OLA1: variants seen among roughly 807,000 people sequenced by gnomAD.
The protein encoded by OLA1 is Obg like ATPase 1.
A neutral mutation model predicts 48.4 loss-of-function variants in OLA1; 14 were observed. That is an observed-to-expected ratio of 0.29 (90% confidence interval 0.19 to 0.45). OLA1 has a LOEUF of 0.45. Among genes scored for constraint, OLA1 ranks in the 20% least tolerant of loss-of-function variants. The probability of loss-of-function intolerance (pLI) is 1.00; values close to 1 mark genes in which losing one functional copy is unlikely to be tolerated. For synonymous variants in OLA1, 127 were observed against 150.4 expected (o/e 0.84, Z 1.14); for missense variants, 325 against 467.1 (o/e 0.70, Z 2.80).
chr2:174,225,273 G>A (rs768463599), intron 3 of OLA1, among the ~76,000 whole-genome samples: 6 of 152,092 alleles, frequency 3.9e-5, no homozygotes, highest in African/African-American at 1.2e-4. Flanking sequence ...TGCCTCGTCC[G>A]GGTGCAGTGG....
At chr2:174,237,981 A>G (rs893182705) in intron 2 of OLA1, among the ~76,000 whole-genome samples, 1 of 152,106 alleles carries the variant, frequency 6.6e-6, no homozygotes, top group East Asian at 1.9e-4. Context: ...CCTCCATTAT[A>G]ATCTCATGGG....
intron 7 of OLA1, among the ~76,000 whole-genome samples, chr2:174,102,342 G>T (rs1017416702): frequency 4.0e-5 from 6 of 151,826 alleles, no homozygotes; most frequent in Non-Finnish European, 1.5e-5. Context: ...AGTGAAAAAA[G>T]TTAACAATTC....
chr2:174,212,661 TTATC>T (rs1310275020), intron 4 of OLA1, among the ~76,000 whole-genome samples: 1 of 152,188 alleles, frequency 6.6e-6, no homozygotes, highest in African/African-American at 2.4e-5. Flanking sequence ...TTTCTTTATA[TTATC>T]TATAAGCTTT....
At chr2:174,220,117 G>A (rs1034767504) in intron 4 of OLA1, among the ~76,000 whole-genome samples, 1 of 152,134 alleles carries the variant, frequency 6.6e-6, no homozygotes, top group Admixed American at 6.5e-5. Context: ...GGGAGACAGA[G>A]CAAGACTCCA....
chr2:174,179,312 T>C (rs1223688460), intron 4 of OLA1, among the ~76,000 whole-genome samples: 1 of 151,832 alleles, frequency 6.6e-6, no homozygotes, highest in African/African-American at 2.4e-5. Flanking sequence ...TTTAAATAAA[T>C]AGAAACGTCT....
intron 4 of OLA1, among the ~76,000 whole-genome samples, chr2:174,165,227 G>T (rs1299786152): frequency 6.6e-6 from 1 of 152,092 alleles, no homozygotes; most frequent in African/African-American, 2.4e-5. Context: ...ATAAAACATT[G>T]TAATAATGAG....
chr2:174,223,033 G>A lies in OLA1; in HGVS notation c.373C>T (p.Arg125Cys), dbSNP rs1265844691. Residue 125 changes from arginine to cysteine, a missense_variant and splice_region_variant, in exon 4 of 11, where the codon CGT (arginine) becomes TGT (cysteine). By Grantham distance (180) the Arg-to-Cys change is radical. Transcript: ENST00000284719. ...TGATTAAATAAACAACTGTACTTAC[G>A]TGTTAGATGAAAGATGCCATCACAG... ...SACDGIFHLTRAFEDDDITHV... is the reference protein window; with the variant it reads ...SACDGIFHLTCAFEDDDITHV... 7 of 1,611,000 alleles carry A rather than the reference G, an allele frequency of 4.3e-6. No individual in the cohort carries two copies. Among genetic ancestry groups the A allele is most frequent in the East Asian group, 2.2e-5 (1 of 44,840 alleles).
intron 4 of OLA1, among the ~76,000 whole-genome samples, chr2:174,144,427 T>A (rs970556862): frequency 3.3e-5 from 5 of 152,086 alleles, no homozygotes; most frequent in Non-Finnish European, 7.4e-5. Context: ...ATGGGAACAC[T>A]AAGGCTATCC....
chr2:174,088,877 AAAATAAATAAAT>A (rs5836449), intron 7 of OLA1, among the ~76,000 whole-genome samples: 60 of 148,138 alleles, frequency 4.1e-4, no homozygotes, highest in Non-Finnish European at 7.0e-4. Flanking sequence ...TCCTGTCTCA[AAAATAAATAAAT>A]AAATAAATAA....
chr2:174,137,853 C>G (rs1686349943), intron 5 of OLA1, among the ~76,000 whole-genome samples: 1 of 152,158 alleles, frequency 6.6e-6, no homozygotes, highest in African/African-American at 2.4e-5. Context: ...GATCTTCTAT[C>G]AAGAACGCTA....
chr2:174,201,107 T>A (rs1278065368), intron 4 of OLA1, among the ~76,000 whole-genome samples: 1 of 152,178 alleles, frequency 6.6e-6, no homozygotes, highest in Non-Finnish European at 1.5e-5. Context: ...CAAAGTATCA[T>A]CACGAGTATT....
At chr2:174,175,561 T>C (rs1687401793) in intron 4 of OLA1, among the ~76,000 whole-genome samples, 1 of 152,038 alleles carries the variant, frequency 6.6e-6, no homozygotes, top group East Asian at 1.9e-4. Flanking sequence ...TAGAAACAAT[T>C]GACAATATCA....
intron 2 of OLA1, among the ~76,000 whole-genome samples, chr2:174,242,313 G>C (rs2105466813): frequency 6.6e-6 from 1 of 152,330 alleles, no homozygotes; most frequent in Admixed American, 6.5e-5. Context: ...GTGCAACCTA[G>C]ATCTCTTGCA....
chr2:174,243,309 G>A (rs1224195591), intron 2 of OLA1, among the ~76,000 whole-genome samples: 2 of 152,194 alleles, frequency 1.3e-5, no homozygotes, highest in African/African-American at 4.8e-5. Context: ...TGTGCCTGCA[G>A]TTCCAGCTAT....
At chr2:174,137,540 T>C (rs1189412602) in intron 5 of OLA1, among the ~76,000 whole-genome samples, 2 of 152,256 alleles carry the variant, frequency 1.3e-5, no homozygotes, top group Non-Finnish European at 2.9e-5. Context: ...AGATGGCCTC[T>C]TCTTCCAAGG....
At chr2:174,112,952 A>G (rs1008361547) in intron 7 of OLA1, among the ~76,000 whole-genome samples, 1 of 151,976 alleles carries the variant, frequency 6.6e-6, no homozygotes, top group Non-Finnish European at 1.5e-5. Context: ...TATTATTACT[A>G]TTTTTGAGAT....
intron 2 of OLA1, among the ~76,000 whole-genome samples, chr2:174,231,300 TGTAATA>T (rs1688723929): frequency 1.3e-5 from 2 of 152,238 alleles, no homozygotes; most frequent in African/African-American, 4.8e-5. Context: ...AGAATAATGT[TGTAATA>T]AAAGTACTTA....
At chr2:174,169,102 C>T (rs546974529) in intron 4 of OLA1, among the ~76,000 whole-genome samples, 18 of 152,114 alleles carry the variant, frequency 1.2e-4, no homozygotes, top group Non-Finnish European at 1.8e-4. Context: ...CACACCACCA[C>T]GCCCAGCTAA....
chr2:174,159,667 A>T (rs1222873104), intron 4 of OLA1, among the ~76,000 whole-genome samples: 1 of 152,142 alleles, frequency 6.6e-6, no homozygotes, highest in African/African-American at 2.4e-5. Context: ...AATGATTAAC[A>T]TTACTTCTAA....
Sources: gnomAD v4.1 joint callset for allele counts (sites outside exome capture counted in the v4.1 genomes callset) on GRCh38, gnomAD v4.1.1 for gene constraint, MANE v1.5 for transcripts, NCBI Gene and HGNC (gene_info 2026-07-23, HGNC 2026-07-21) for gene names.